USP54: variants seen among roughly 807,000 people sequenced by gnomAD.
USP54 encodes the protein ubiquitin carboxyl-terminal hydrolase 54.
Under a neutral mutation model 170.5 loss-of-function variants are expected in USP54, and 87 were observed. That is an observed-to-expected ratio of 0.51 (90% CI 0.43 to 0.61). The LOEUF is 0.61. USP54 is among the 20% of genes least tolerant of loss of function. The probability of loss-of-function intolerance (pLI) is 0.00; values close to 1 mark genes in which losing one functional copy is unlikely to be tolerated. For missense variants in USP54, 1,786 were observed against 2,047.8 expected (o/e 0.87, Z 2.47); for synonymous variants, 655 against 742.8 (o/e 0.88, Z 1.92).
chr10:73,566,650 G>A (rs1289907603), intron 4 of USP54, among the ~76,000 whole-genome samples: 1 of 151,786 alleles, frequency 6.6e-6, no homozygotes, highest in East Asian at 2.0e-4. Flanking sequence ...AGAATCACTT[G>A]AACCCAGGAG....
chr10:73,517,627 G>T lies in USP54; in HGVS notation c.2799C>A (p.His933Gln). The T allele has an allele frequency of 6.2e-7, 1 of 1,614,222 alleles. No individual in the cohort carries two copies. Among genetic ancestry groups the T allele is most frequent in the Non-Finnish European group, 8.5e-7 (1 of 1,180,044 alleles). The change falls in exon 20 of 24, where the codon CAC becomes CAA. Residue 933 changes from histidine (H) to glutamine (Q), a missense_variant. By Grantham distance (24) the His-to-Gln change is conservative. Transcript: ENST00000687698. Reference sequence around the variant, plus strand: ...CAGATGACTCTGGAGATAGTGATGAGTGTGACTCATGGCAGGAAGCAGGTG... The same window carrying T: ...CAGATGACTCTGGAGATAGTGATGATTGTGACTCATGGCAGGAAGCAGGTG... ...FHSPASCHES[H>Q]SSLSPESSAP...
At chr10:73,549,155 T>A (rs2068639233) in intron 4 of USP54, among the ~76,000 whole-genome samples, 1 of 152,162 alleles carries the variant, frequency 6.6e-6, no homozygotes. Context: ...TCCTTATCAG[T>A]CTCCTTTGCT....
intron 1 of USP54, among the ~76,000 whole-genome samples, chr10:73,590,788 T>C (rs2078155734): frequency 6.6e-6 from 1 of 152,196 alleles, no homozygotes; most frequent in Non-Finnish European, 1.5e-5. Flanking sequence ...TTGCCAACAC[T>C]ATTCTGCTGA....
At chr10:73,588,075 C>T (rs2077732303) in intron 1 of USP54, among the ~76,000 whole-genome samples, 1 of 152,134 alleles carries the variant, frequency 6.6e-6, no homozygotes, top group South Asian at 2.1e-4. Context: ...CTCTTACAGG[C>T]AAACACACAC....
At chr10:73,597,573 C>T (rs2132249935) in intron 1 of USP54, among the ~76,000 whole-genome samples, 1 of 152,286 alleles carries the variant, frequency 6.6e-6, no homozygotes, top group South Asian at 2.1e-4. Flanking sequence ...ACTCCCCACT[C>T]TCTGGCCCTC....
At position 73,624,175 on chromosome 10, in the gene USP54, TATATATATATATA is replaced by T. The variant is rs2081302062; in HGVS notation, c.-18+1379_-18+1391del. ...TTTAAAAGCCATATATATATATATATATATATATATATATATATATGTATTTTTTTTTTTTTTT... is the reference window on the plus strand; with the variant it reads ...TTTAAAAGCCATATATATATATATATTATATATGTATTTTTTTTTTTTTTT... On this transcript the variant is annotated intron_variant, in intron 1 of 22. Transcript: ENST00000339859. Among the ~76,000 whole-genome samples the T allele has an allele frequency of 2.9e-4, 34 of 116,602 alleles. 1 individual carries two copies. In the South Asian group the frequency reaches 4.8e-3, roughly 16 times the overall value. The allele number at this position is 116,602 out of a possible 152,430, so 76.5% of individuals were successfully genotyped here. A position where few individuals can be genotyped will look rare whatever the true frequency, so the allele number is the denominator to read the frequency against.
intron 17 of USP54, 118 bp downstream of exon 17, chr10:73,523,465 T>G: frequency 7.8e-7 from 1 of 1,284,998 alleles, no homozygotes. Flanking sequence ...AATGGGTGAA[T>G]TAAGACTTAA....
Position 73,541,371 on chromosome 10 carries a change from G to A in USP54, c.825+4C>T, listed in dbSNP as rs187030478. 9 of 1,613,744 alleles carry A rather than the reference G, an allele frequency of 5.6e-6. No homozygotes were observed. Among genetic ancestry groups the A allele is most frequent in the Middle Eastern group, 1.6e-4 (1 of 6,082 alleles). On this transcript the variant is annotated splice_donor_region_variant and intron_variant, in intron 9 of 23. Transcript: ENST00000687698. ...AGTGAGAGATAAAGGTAACTAACAC[G>A]CACATCACCCAGCTTAAGGCAGGTT... is the stretch of plus-strand genomic sequence containing the variant.
rs774313004 is a variant in USP54, at chr10:73,516,400, G to A, written c.4026C>T (p.Thr1342=). ...AGCSGWGQQD[T]AWHPLSQTGS... ...CTGTTTGGCTAAGTGGGTGCCAGGC[G>A]GTATCCTGCTGCCCCCATCCAGAAC... Residue 1342 remains threonine (T), a synonymous_variant, in exon 20 of 24, where the codon ACC becomes ACT. Transcript: ENST00000687698. 48 of 1,612,728 alleles carry A rather than the reference G, an allele frequency of 3.0e-5. No individual in the cohort carries two copies. The highest frequency in any genetic ancestry group is 6.7e-5 in the Admixed American group (4 of 59,872).
At chr10:73,589,526 T>C (rs1713724858) in intron 1 of USP54, among the ~76,000 whole-genome samples, 1 of 152,212 alleles carries the variant, frequency 6.6e-6, no homozygotes, top group African/African-American at 2.4e-5. Context: ...CCAGAGATTT[T>C]TATCCCGAAT....
intron 19 of USP54, 147 bp downstream of exon 19, chr10:73,519,650 T>C (rs2061604219): frequency 1.6e-6 from 2 of 1,252,564 alleles, no homozygotes; most frequent in Non-Finnish European, 2.2e-6. Flanking sequence ...AGCTTTTCAC[T>C]GTATGTCTGA....
At chr10:73,519,601 A>G (rs975465731) in intron 19 of USP54, 196 bp downstream of exon 19, 9 of 806,656 alleles carry the variant, frequency 1.1e-5, no homozygotes, top group Non-Finnish European at 1.7e-5. Flanking sequence ...TACTTTTTGC[A>G]TCCTAGGAAT....
chr10:73,609,148 T>C (rs540900430), intron 1 of USP54, among the ~76,000 whole-genome samples: 1 of 152,274 alleles, frequency 6.6e-6, no homozygotes, highest in African/African-American at 2.4e-5. Context: ...AAGGAACACA[T>C]AGAATTCCCA....
At chr10:73,623,124 T>C (rs1356664939) in intron 1 of USP54, among the ~76,000 whole-genome samples, 1 of 152,168 alleles carries the variant, frequency 6.6e-6, no homozygotes, top group East Asian at 1.9e-4. Flanking sequence ...AAGCCTGTAA[T>C]CCCAGCGCTT....
chr10:73,625,571 C>T (rs1554956098), exon 1 of USP54: 1 of 152,742 alleles, frequency 6.5e-6, no homozygotes, highest in Non-Finnish European at 1.5e-5. Context: ...ACATACCCTC[C>T]TCGTCGCTGT....
intron 1 of USP54, among the ~76,000 whole-genome samples, chr10:73,588,954 G>A: frequency 6.6e-6 from 1 of 152,200 alleles, no homozygotes; most frequent in Non-Finnish European, 1.5e-5. Context: ...ACATCAGCAG[G>A]AAGGAGCAGT....
At chr10:73,604,799 G>A (rs537940941) in intron 1 of USP54, among the ~76,000 whole-genome samples, 4 of 152,150 alleles carry the variant, frequency 2.6e-5, no homozygotes, top group African/African-American at 7.2e-5. Flanking sequence ...AGATCTTCAC[G>A]ATGAGTGTTA....
At chr10:73,510,769 G>T (rs1180324533) in intron 20 of USP54, among the ~76,000 whole-genome samples, 1 of 151,788 alleles carries the variant, frequency 6.6e-6, no homozygotes, top group Non-Finnish European at 1.5e-5. Flanking sequence ...CTTTACTTTT[G>T]AATATATTTG....
At position 73,500,650 on chromosome 10, in the gene USP54, G is replaced by T; in HGVS notation, c.4495+5C>A. The T allele has an allele frequency of 6.3e-7, 1 of 1,587,604 alleles. No homozygotes were observed. The highest frequency in any genetic ancestry group is 1.4e-5 in the African/African-American group (1 of 72,932). The stretch of plus-strand genomic sequence containing the variant: ...GGCATATAATATTAGATTTGGGGGA[G>T]TTACCTGGGAGTCTATTGGGCTCCC... On this transcript the variant is annotated splice_donor_5th_base_variant and intron_variant, in intron 23 of 23. Transcript: ENST00000687698.
Sources: allele counts gnomAD v4.1 joint callset (sites outside exome capture counted in the v4.1 genomes callset), GRCh38; gene constraint gnomAD v4.1.1; transcripts MANE v1.5; gene names NCBI Gene and HGNC (gene_info 2026-07-23, HGNC 2026-07-21).